Variants in RHCG observed in about 807,000 individuals in gnomAD.
RHCG encodes ammonium transporter Rh type C.
A neutral mutation model predicts 55.3 loss-of-function variants in RHCG; 39 were observed. The observed-to-expected ratio is 0.70, with a 90% CI of 0.55 to 0.92. The LOEUF (loss-of-function observed/expected upper bound fraction) is 0.92. Ranked by LOEUF, RHCG falls within the 40% of genes least tolerant of loss-of-function variation. RHCG has a pLI of 0.00. For synonymous variants in RHCG, 250 were observed against 246.8 expected, an observed-to-expected ratio of 1.01 and a Z score of -0.12; for missense variants, 635 against 627.9, an observed-to-expected ratio of 1.01 and a Z score of -0.12.
intron 1 of RHCG, among the ~76,000 whole-genome samples, chr15:89,493,148 G>A (rs899370594): frequency 1.3e-4 from 20 of 152,102 alleles, no homozygotes; most frequent in African/African-American, 4.6e-4. Context: ...CAGTCCTCCC[G>A]GTGTTTGAAA....
At chr15:89,487,458 T>TGGG (rs1663655738) in intron 1 of RHCG, among the ~76,000 whole-genome samples, 1 of 152,204 alleles carries the variant, frequency 6.6e-6, no homozygotes, top group South Asian at 2.1e-4. Flanking sequence ...CGTCTGAGGC[T>TGGG]ATGATGCCCT....
intron 1 of RHCG, among the ~76,000 whole-genome samples, chr15:89,492,236 T>C (rs1339328009): frequency 6.6e-6 from 1 of 152,008 alleles, no homozygotes; most frequent in African/African-American, 2.4e-5. Context: ...CTCCCCTTAC[T>C]CCCAGCCCCC....
chr15:89,493,367 G>A (rs540409183), intron 1 of RHCG, among the ~76,000 whole-genome samples: 75 of 152,280 alleles, frequency 4.9e-4, no homozygotes, highest in African/African-American at 1.6e-3. Context: ...GCTGCATCAC[G>A]GGCCTCCGAG....
At chr15:89,476,713 C>G in intron 9 of RHCG, 42 bp downstream of exon 9, 1 of 1,541,016 alleles carries the variant, frequency 6.5e-7, no homozygotes, top group Non-Finnish European at 9.0e-7. Context: ...AGGGAGGGAA[C>G]GCAGCTGCCC....
At chr15:89,491,876 G>A (rs546184631) in intron 1 of RHCG, among the ~76,000 whole-genome samples, 1 of 152,304 alleles carries the variant, frequency 6.6e-6, no homozygotes, top group Non-Finnish European at 1.5e-5. Context: ...CAGGTTCTTT[G>A]TCAGTCAAAT....
intron 4 of RHCG, 68 bp from the exon 5 acceptor site, chr15:89,479,556 C>A (rs529341096): frequency 7.0e-7 from 1 of 1,424,330 alleles, no homozygotes; most frequent in African/African-American, 1.4e-5. Flanking sequence ...ACAGCTCAGG[C>A]AGGCATCCTG....
chr15:89,474,429 T>C (rs1337227993), intron 9 of RHCG, among the ~76,000 whole-genome samples: 1 of 152,196 alleles, frequency 6.6e-6, no homozygotes, highest in Non-Finnish European at 1.5e-5. Flanking sequence ...GGTGGCCCCT[T>C]GTCCCAGGAG....
intron 2 of RHCG, among the ~76,000 whole-genome samples, chr15:89,483,523 C>G (rs1004995617): frequency 2.0e-5 from 3 of 152,138 alleles, no homozygotes; most frequent in African/African-American, 7.2e-5. Flanking sequence ...TATTGTTGAA[C>G]ATGCCCCATA....
chr15:89,478,813 C>G (rs11073869), intron 5 of RHCG, among the ~76,000 whole-genome samples: 46,234 of 152,008 alleles, frequency 0.3, 8,106 homozygotes, highest in African/African-American at 0.49. Context: ...AAGATAGGTT[C>G]GGCGCAGTGG....
chr15:89,485,060 C>T (rs1961335699), intron 2 of RHCG, among the ~76,000 whole-genome samples: 1 of 152,186 alleles, frequency 6.6e-6, no homozygotes, highest in African/African-American at 2.4e-5. Flanking sequence ...AAATCAGCTC[C>T]AAGTCAGGTG....
In RHCG at chr15:89,471,862, G is replaced by A. The variant is rs1388496939; in HGVS notation, c.*25-7C>T. On this transcript the variant is annotated splice_polypyrimidine_tract_variant and splice_region_variant and intron_variant, in intron 10 of 10. Transcript: ENST00000268122. Reference sequence around the variant, plus strand: ...CCAGGACAGTCTGTGGAGCCTGCAGGGAGACAGCCAAGAGCAGCGGGTCAC... The same window carrying A: ...CCAGGACAGTCTGTGGAGCCTGCAGAGAGACAGCCAAGAGCAGCGGGTCAC... 6.6e-6 allele frequency: 1 copy of A among 152,472 alleles called. No individual in the cohort carries two copies. Among genetic ancestry groups the A allele is most frequent in the Non-Finnish European group, 1.5e-5 (1 of 68,122 alleles). 9.4% of individuals were successfully genotyped at this position (152,472 alleles called of 1,614,324 possible).
At position 89,486,823 on chromosome 15, in the gene RHCG, C is replaced by A. The variant is rs760638909; in HGVS notation, c.347G>T (p.Arg116Leu). The change falls in exon 2 of 11, where the codon CGC (arginine) becomes CTC (leucine). Residue 116 changes from arginine to leucine, a missense_variant. Transcript: ENST00000268122. ...CTTCTCCACGCCCACGACGATGTAG[C>A]GGTCTTGTAAGAAGTGGAACCAGCC... is the stretch of plus-strand genomic sequence containing the variant. ...MQGWFHFLQD[R>L]YIVVGVENLI... 2 of 1,597,178 alleles carry A rather than the reference C, an allele frequency of 1.3e-6. No homozygotes were observed. Among genetic ancestry groups the A allele is most frequent in the Admixed American group, 1.7e-5 (1 of 58,970 alleles).
In RHCG at chr15:89,477,307, T is replaced by C; in HGVS notation, c.1113-101A>G. ...GACCGGGTACCACGGGCCTCAGCCT[T>C]CCCACCCACAACATGGGGACACCGG... On this transcript the variant is annotated intron_variant, in intron 7 of 10. Coordinates refer to ENST00000268122, the MANE Select transcript of RHCG (RefSeq NM_016321.3). The surrounding 1 kb of genome is among the most constrained non-coding windows in gnomAD (Gnocchi z 4.5). The C allele has an allele frequency of 6.6e-7, 1 of 1,514,738 alleles. No homozygotes were observed. The allele number at this position is 1,514,738 out of a possible 1,614,324, so 93.8% of individuals were successfully genotyped here.
At chr15:89,483,017 G>A in intron 3 of RHCG, 50 bp downstream of exon 3, 1 of 1,500,878 alleles carries the variant, frequency 6.7e-7, no homozygotes, top group Non-Finnish European at 9.1e-7. Flanking sequence ...ATACCCTGCT[G>A]TCCCCCAAAG....
chr15:89,475,703 G>C (rs1453193542), intron 9 of RHCG, among the ~76,000 whole-genome samples: 1 of 152,160 alleles, frequency 6.6e-6, no homozygotes, highest in Non-Finnish European at 1.5e-5. Flanking sequence ...CCTAACCCAG[G>C]CTGGGTGTTA....
At chr15:89,488,358 C>T (rs1961411651) in intron 1 of RHCG, among the ~76,000 whole-genome samples, 1 of 152,142 alleles carries the variant, frequency 6.6e-6, no homozygotes, top group South Asian at 2.1e-4. Context: ...TCAGTGGATG[C>T]TAAATGCAGG....
At position 89,483,021 on chromosome 15, in the gene RHCG, C is replaced by T. The variant is rs779175801; in HGVS notation, c.522+46G>A. ...TCTATTTCTCCATACCCTGCTGTCC[C>T]CCAAAGCACCCCCACCACCTCATCC... On this transcript the variant is annotated intron_variant, in intron 3 of 10. Coordinates refer to ENST00000268122, the MANE Select transcript of RHCG (RefSeq NM_016321.3). 44 of 1,512,706 alleles carry T rather than the reference C, an allele frequency of 2.9e-5. 1 individual carries two copies. The South Asian group carries it at 5.4e-4, about 18-fold the overall frequency. The allele number at this position is 1,512,706 out of a possible 1,614,324, so 93.7% of individuals were successfully genotyped here.
chr15:89,486,114 G>A (rs748760607), intron 2 of RHCG, among the ~76,000 whole-genome samples: 29 of 152,186 alleles, frequency 1.9e-4, no homozygotes, highest in Admixed American at 1.3e-3. Flanking sequence ...GAAGGATGGA[G>A]CTGAGAAGTG....
chr15:89,477,342 T>C lies in RHCG; in HGVS notation c.1113-136A>G. The C allele has an allele frequency of 7.1e-7, 1 of 1,413,236 alleles. No individual in the cohort carries two copies. Among genetic ancestry groups the C allele is most frequent in the Non-Finnish European group, 9.7e-7 (1 of 1,029,940 alleles). The allele number at this position is 1,413,236 out of a possible 1,614,324, so 87.5% of individuals were successfully genotyped here. A position where few individuals can be genotyped will look rare whatever the true frequency, so the allele number is the denominator to read the frequency against. ...AACATGGGGACACCGGACATATCAG[T>C]TGGCCTCTAAAACTCTAAGGGACAG... On this transcript the variant is annotated intron_variant, in intron 7 of 10. Coordinates refer to ENST00000268122, the MANE Select transcript of RHCG (RefSeq NM_016321.3). This position sits in a 1 kb window ranked among gnomAD's most constrained non-coding sequence, Gnocchi z 4.5.
Sources: gnomAD v4.1 joint callset for allele counts (sites outside exome capture counted in the v4.1 genomes callset) on GRCh38, gnomAD v4.1.1 for gene constraint, Gnocchi (gnomAD v3.1) non-coding constraint, MANE v1.5 for transcripts, NCBI Gene and HGNC (gene_info 2026-07-23, HGNC 2026-07-21) for gene names.